The following ITPR1 variants were observed in gnomAD, a reference collection of about 807,000 sequenced individuals.
The protein encoded by ITPR1 is inositol 1,4,5-trisphosphate-gated calcium channel ITPR1.
Under a neutral mutation model 318.4 loss-of-function variants are expected in ITPR1, and 96 were observed. The ratio of observed to expected loss-of-function variants is 0.30; its 90% CI spans 0.26 to 0.36. The LOEUF is 0.36. Among genes scored for constraint, ITPR1 ranks in the 10% least tolerant of loss-of-function variants. The probability of loss-of-function intolerance (pLI) is 1.00; values close to 1 mark genes in which losing one functional copy is unlikely to be tolerated. For missense variants in ITPR1, 2,440 were observed against 3,460.2 expected (o/e 0.71, Z 7.40); for synonymous variants, 1,312 against 1,289.9 (o/e 1.02, Z -0.37).
chr3:4,560,206 G>A (rs2086537480), intron 4 of ITPR1, among the ~76,000 whole-genome samples: 1 of 152,164 alleles, frequency 6.6e-6, no homozygotes, highest in Admixed American at 6.5e-5. Flanking sequence ...ATGGATTGGT[G>A]GATGCACAGA....
chr3:4,846,090 A>T, intron 61 of ITPR1, 49 bp from the exon 62 acceptor site: 1 of 1,090,958 alleles, frequency 9.2e-7, no homozygotes, highest in South Asian at 1.5e-5. Context: ...ATGCGATTTG[A>T]CGTACAGGAA....
At chr3:4,679,914 A>T (rs1342454520) in intron 24 of ITPR1, among the ~76,000 whole-genome samples, 1 of 152,162 alleles carries the variant, frequency 6.6e-6, no homozygotes, top group Non-Finnish European at 1.5e-5. Context: ...GGCTAAGCAG[A>T]GACAAGGGGA....
In ITPR1 at chr3:4,680,720, A is replaced by G. The variant is rs761462565; in HGVS notation, c.3106+29A>G. 8.2e-6 allele frequency: 13 copies of G among 1,585,428 alleles called. No individual in the cohort carries two copies. The Admixed American group carries it at 9.0e-5, about 11-fold the overall frequency. ...AGTGATTCAGAATGGAATTTCAGCC[A>G]TAGAATGGGACCTGGCTCTAAGGAA... On this transcript the variant is annotated intron_variant, in intron 25 of 61. Transcript: ENST00000649015.
chr3:4,697,313 GAGGTGT>G, intron 34 of ITPR1, 41 bp downstream of exon 34: 1 of 1,240,226 alleles, frequency 8.1e-7, no homozygotes. Flanking sequence ...TGGAGAGTGA[GAGGTGT>G]GTGTGTGTGT....
At chr3:4,590,975 G>A (rs1354013758) in intron 4 of ITPR1, among the ~76,000 whole-genome samples, 2 of 152,130 alleles carry the variant, frequency 1.3e-5, no homozygotes, top group Admixed American at 6.6e-5. Flanking sequence ...AGAACATGCA[G>A]TATTTGGTTG....
At chr3:4,514,592 C>G (rs896785677) in intron 2 of ITPR1, among the ~76,000 whole-genome samples, 1 of 152,162 alleles carries the variant, frequency 6.6e-6, no homozygotes, top group Non-Finnish European at 1.5e-5. Context: ...GAAAGGAGAG[C>G]CTTAGTCACA....
rs144416099 is a variant in ITPR1 at position 4,628,788 on chromosome 3, C to G, written c.279+910C>G. Among the ~76,000 whole-genome samples, 538 of 152,304 alleles carry G rather than the reference C, an allele frequency of 3.5e-3. 1 individual carries two copies. Among genetic ancestry groups the G allele is most frequent in the African/African-American group, 0.012 (508 of 41,562 alleles). ...TTGGGCACTTACCAGGCACTCCCAT[C>G]AAATATTTCACGGAATGCACAGTGA... is the stretch of plus-strand genomic sequence containing the variant. On this transcript the variant is annotated intron_variant, in intron 5 of 61. Transcript: ENST00000649015.
chr3:4,601,501 A>G (rs1411422395), intron 4 of ITPR1, among the ~76,000 whole-genome samples: 1 of 38,748 alleles, frequency 2.6e-5, no homozygotes, highest in Non-Finnish European at 5.0e-5. Context: ...CCCTGTCTCA[A>G]AAAAAAAAAA....
chr3:4,586,507 CTTTT>C lies in ITPR1; in HGVS notation c.164-41239_164-41236del, dbSNP rs34188022. On this transcript the variant is annotated intron_variant, in intron 4 of 61. Coordinates refer to ENST00000649015, the MANE Select transcript of ITPR1 (RefSeq NM_001378452.1). ...GTCTGGCGGCAAGTAGCCTTGAGTG[CTTTT>C]TTTTTTTTTTTTTTTTGAGACAAGG... 6.7e-3 allele frequency among the ~76,000 whole-genome samples: 702 copies of C among 104,774 alleles called. 7 individuals are homozygous for C. The highest frequency in any genetic ancestry group is 0.022 in the African/African-American group (667 of 29,992). 68.7% of individuals were successfully genotyped at this position (104,774 alleles called of 152,430 possible).
intron 49 of ITPR1, among the ~76,000 whole-genome samples, chr3:4,781,076 C>G (rs185356488): frequency 6.6e-6 from 1 of 152,218 alleles, no homozygotes; most frequent in Non-Finnish European, 1.5e-5. Flanking sequence ...GGCCTCAAAT[C>G]GCATGTAACA....
intron 12 of ITPR1, 76 bp downstream of exon 12, chr3:4,653,962 C>G (rs1261696344): frequency 2.8e-5 from 29 of 1,050,386 alleles, no homozygotes; most frequent in Non-Finnish European, 3.5e-5. Context: ...ATTTAAGAAA[C>G]TGTCACTGTG....
At chr3:4,622,345 C>A (rs1393403681) in intron 4 of ITPR1, among the ~76,000 whole-genome samples, 3 of 150,936 alleles carry the variant, frequency 2.0e-5, no homozygotes, top group African/African-American at 7.3e-5. Flanking sequence ...GATCTCTTGA[C>A]CTCGTGATCC....
At chr3:4,697,527 C>G (rs1049124364) in intron 34 of ITPR1, among the ~76,000 whole-genome samples, 1 of 144,786 alleles carries the variant, frequency 6.9e-6, no homozygotes, top group African/African-American at 2.7e-5. Context: ...TCTCAGTTCA[C>G]TGCAACCTCT....
chr3:4,833,696 T>A (rs1274405280), intron 60 of ITPR1, among the ~76,000 whole-genome samples: 1 of 152,196 alleles, frequency 6.6e-6, no homozygotes, highest in Non-Finnish European at 1.5e-5. Flanking sequence ...CATCCCCAGC[T>A]CCAGCCACAC....
chr3:4,497,374 C>A (rs1386918671), intron 2 of ITPR1, among the ~76,000 whole-genome samples: 2 of 152,172 alleles, frequency 1.3e-5, no homozygotes, highest in Non-Finnish European at 1.5e-5. Flanking sequence ...CAACAAATTT[C>A]TTGAGCACCT....
rs141435179 is a variant in ITPR1, at chr3:4,708,202, G to C, written c.4842+1851G>C. On this transcript the variant is annotated intron_variant, in intron 37 of 61. Transcript: ENST00000649015. The stretch of plus-strand genomic sequence containing the variant: ...TGTGTAAAGACCGTTATACCGAAAA[G>C]AAGATGAAAATAAAAGTATTACTCA... Among the ~76,000 whole-genome samples, 410 of 152,288 alleles carry C rather than the reference G, an allele frequency of 2.7e-3. 5 individuals carry two copies. The highest frequency in any genetic ancestry group is 3.0e-3 in the Non-Finnish European group (205 of 68,014).
chr3:4,551,817 C>A (rs1201584136), intron 4 of ITPR1, among the ~76,000 whole-genome samples: 8 of 152,230 alleles, frequency 5.3e-5, no homozygotes, highest in Non-Finnish European at 8.8e-5. Flanking sequence ...AGTCAACAAG[C>A]AATAGCTGCA....
rs1310262239 is a variant in ITPR1, at chr3:4,627,758, TC to T, written c.164-4del. 2.5e-6 allele frequency: 4 copies of T among 1,597,600 alleles called. 1 individual carries two copies. The South Asian group carries it at 4.4e-5, about 18-fold the overall frequency. ...GCAATTTCTGTTTGTTTGCTTCACTTCTAGACTGCCTCTTTAAGCTATGTCC... is the reference window on the plus strand; with the variant it reads ...GCAATTTCTGTTTGTTTGCTTCACTTTAGACTGCCTCTTTAAGCTATGTCC... On this transcript the variant is annotated splice_region_variant and splice_polypyrimidine_tract_variant and intron_variant, in intron 4 of 61. Coordinates refer to ENST00000649015, the MANE Select transcript of ITPR1 (RefSeq NM_001378452.1).
chr3:4,817,112 TCTATGTACTTTCTTA>T (rs2049354686), intron 59 of ITPR1, among the ~76,000 whole-genome samples: 1 of 152,236 alleles, frequency 6.6e-6, no homozygotes, highest in African/African-American at 2.4e-5. Context: ...ATCATCGTTT[TCTATGTACTTTCTTA>T]CTTTTTTGGC....
Sources: gnomAD v4.1 joint callset for allele counts (sites outside exome capture counted in the v4.1 genomes callset) on GRCh38, gnomAD v4.1.1 for gene constraint, MANE v1.5 for transcripts, NCBI Gene and HGNC (gene_info 2026-07-23, HGNC 2026-07-21) for gene names.